SHC3: variants seen among roughly 807,000 people sequenced by gnomAD.
SHC3 encodes SHC adaptor protein 3, also known as SHC-transforming protein 3.
SHC3 carries 15 observed loss-of-function variants against 60.4 expected under a neutral mutation model. That is an observed-to-expected ratio of 0.25 (90% CI 0.17 to 0.38). SHC3 has a LOEUF of 0.38. Among genes scored for constraint, SHC3 ranks in the 10% least tolerant of loss-of-function variants. The pLI, the probability that SHC3 is intolerant of heterozygous loss-of-function variation, is 1.00. For synonymous variants in SHC3, 294 were observed against 325.9 expected (o/e 0.90, Z 1.05); for missense variants, 677 against 786.1 (o/e 0.86, Z 1.66).
At chr9:89,161,360 G>A (rs1042975546) in intron 1 of SHC3, among the ~76,000 whole-genome samples, 8 of 152,058 alleles carry the variant, frequency 5.3e-5, no homozygotes, top group South Asian at 2.1e-4. Context: ...TACTCCCCAC[G>A]TCACCTTCTG....
Position 89,072,165 on chromosome 9 carries a change from T to C in SHC3, c.730-913A>G, listed in dbSNP as rs576335563. ...GCTCTGATACAGAGTGAACTCCATG[T>C]AGCTCATGGTTTTCATTATTAAAAT... On this transcript the variant is annotated intron_variant, in intron 4 of 11. Transcript: ENST00000375835. Among the ~76,000 whole-genome samples the C allele has an allele frequency of 2.0e-5, 3 of 152,338 alleles. No homozygotes were observed. The South Asian group carries it at 6.2e-4, about 32-fold the overall frequency.
chr9:89,116,763 T>C (rs1266542265), intron 1 of SHC3, among the ~76,000 whole-genome samples: 2 of 152,106 alleles, frequency 1.3e-5, no homozygotes, highest in Admixed American at 6.5e-5. Flanking sequence ...AGGTGAAATA[T>C]GAATACCATG....
intron 6 of SHC3, among the ~76,000 whole-genome samples, chr9:89,056,308 G>A (rs948816294): frequency 6.6e-5 from 10 of 151,958 alleles, no homozygotes; most frequent in South Asian, 6.2e-4. Flanking sequence ...GTGCAATGGC[G>A]CGATCTTGGC....
intron 6 of SHC3, among the ~76,000 whole-genome samples, chr9:89,056,839 G>A (rs938804824): frequency 3.3e-4 from 51 of 152,372 alleles, no homozygotes; most frequent in African/African-American, 1.2e-3. Flanking sequence ...CCATTGCCTC[G>A]GCAAGCTTTG....
At chr9:89,167,848 T>C (rs1487693118) in intron 1 of SHC3, among the ~76,000 whole-genome samples, 1 of 152,218 alleles carries the variant, frequency 6.6e-6, no homozygotes, top group Non-Finnish European at 1.5e-5. Flanking sequence ...TACAGAAGCG[T>C]GTTTCCCCTC....
At chr9:89,057,521 A>T (rs553423978) in intron 6 of SHC3, among the ~76,000 whole-genome samples, 22 of 151,890 alleles carry the variant, frequency 1.4e-4, no homozygotes, top group African/African-American at 5.1e-4. Flanking sequence ...TTCATATACT[A>T]CCCTTGGAAT....
chr9:89,090,539 G>A (rs1043380889), intron 2 of SHC3, among the ~76,000 whole-genome samples: 1 of 152,232 alleles, frequency 6.6e-6, no homozygotes, highest in Non-Finnish European at 1.5e-5. Flanking sequence ...GGATTGGTGG[G>A]TATGGGAGGC....
Position 89,046,798 on chromosome 9 carries a change from G to A in SHC3, c.1113+46C>T, listed in dbSNP as rs577404382. 3 of 1,430,878 alleles carry A rather than the reference G, an allele frequency of 2.1e-6. No homozygotes were observed. In the South Asian group the frequency reaches 5.2e-5, roughly 25 times the overall value. The allele number at this position is 1,430,878 out of a possible 1,614,324, so 88.6% of individuals were successfully genotyped here. On this transcript the variant is annotated intron_variant, in intron 8 of 11. Coordinates refer to ENST00000375835, the MANE Select transcript of SHC3 (RefSeq NM_016848.6). ...AAAGAAAACAAAAGGAAATAAAGTAGAGTTAGCCTCCATTCCTTATATAAG... is the reference window on the plus strand; with the variant it reads ...AAAGAAAACAAAAGGAAATAAAGTAAAGTTAGCCTCCATTCCTTATATAAG...
Position 89,092,949 on chromosome 9 carries a change from G to T in SHC3, c.546-15046C>A, listed in dbSNP as rs190053095. On this transcript the variant is annotated intron_variant, in intron 2 of 11. Coordinates refer to ENST00000375835, the MANE Select transcript of SHC3 (RefSeq NM_016848.6). Reference sequence around the variant, plus strand: ...TCATTGTAGTTCATTCCTTTTTATTGCTGGGTAGTATTTGTATCATGCACA... The same window carrying T: ...TCATTGTAGTTCATTCCTTTTTATTTCTGGGTAGTATTTGTATCATGCACA... 9.9e-5 allele frequency among the ~76,000 whole-genome samples: 15 copies of T among 152,106 alleles called. No homozygotes were observed. The East Asian group carries it at 2.5e-3, about 25-fold the overall frequency.
intron 11 of SHC3, among the ~76,000 whole-genome samples, chr9:89,036,489 C>T (rs1315036211): frequency 2.0e-5 from 3 of 152,148 alleles, no homozygotes; most frequent in African/African-American, 7.2e-5. Flanking sequence ...ACTCTTGGCT[C>T]CTGTCCCAGA....
Position 89,178,489 on chromosome 9 carries a change from C to T in SHC3, c.-29G>A, listed in dbSNP as rs752920647. The T allele has an allele frequency of 4.2e-6, 6 of 1,420,104 alleles. No individual in the cohort carries two copies. Among genetic ancestry groups the T allele is most frequent in the Non-Finnish European group, 5.6e-6 (6 of 1,080,860 alleles). 88.0% of individuals were successfully genotyped at this position (1,420,104 alleles called of 1,614,324 possible). Reference sequence around the variant, plus strand: ...CCTCCGTGGGCTCGCTGCATCCGCCCGGGCGCTGCTGGTGCCGGCCCCGGC... The same window carrying T: ...CCTCCGTGGGCTCGCTGCATCCGCCTGGGCGCTGCTGGTGCCGGCCCCGGC... On this transcript the variant is annotated 5_prime_UTR_variant, in exon 1 of 12. Coordinates refer to ENST00000375835, the MANE Select transcript of SHC3 (RefSeq NM_016848.6). The surrounding 1 kb of genome is among the most constrained non-coding windows in gnomAD (Gnocchi z 6.9).
intron 1 of SHC3, among the ~76,000 whole-genome samples, chr9:89,161,000 T>A (rs1826696498): frequency 6.6e-6 from 1 of 152,176 alleles, no homozygotes; most frequent in South Asian, 2.1e-4. Flanking sequence ...ATCAGGCACA[T>A]CCCCCAGTGC....
At chr9:89,172,069 G>A (rs1016388266) in intron 1 of SHC3, among the ~76,000 whole-genome samples, 12 of 152,198 alleles carry the variant, frequency 7.9e-5, no homozygotes, top group Non-Finnish European at 1.5e-4. Flanking sequence ...AGGTATATCC[G>A]GCACCTTCTC....
Position 89,038,004 on chromosome 9 carries a change from G to T in SHC3, c.1645C>A (p.Pro549Thr). 1 of 1,608,782 alleles carries T rather than the reference G, an allele frequency of 6.2e-7. No individual in the cohort carries two copies. The highest frequency in any genetic ancestry group is 8.5e-7 in the Non-Finnish European group (1 of 1,179,926). ...GQAKHLLLVD[P>T]EGTIRTKDRV... The stretch of plus-strand genomic sequence containing the variant: ...CACTGGGTGCTCACCGTGCCTTCTG[G>T]GTCCACGAGCAGCAGGTGCTTGGCC... Residue 549 changes from proline to threonine, a missense_variant, in exon 11 of 12, where the codon CCA becomes ACA. Pro to Thr is a conservative substitution (Grantham distance 38). Coordinates refer to ENST00000375835, the MANE Select transcript of SHC3 (RefSeq NM_016848.6).
At chr9:89,050,650 A>G (rs942018360) in intron 7 of SHC3, among the ~76,000 whole-genome samples, 3 of 152,126 alleles carry the variant, frequency 2.0e-5, no homozygotes, top group Admixed American at 6.5e-5. Flanking sequence ...GCAATCATTT[A>G]TGTTTTCAAA....
chr9:89,083,461 T>C (rs1825478229), intron 2 of SHC3, among the ~76,000 whole-genome samples: 1 of 152,194 alleles, frequency 6.6e-6, no homozygotes, highest in Non-Finnish European at 1.5e-5. Flanking sequence ...AGGTTTCTGA[T>C]TCAGGTCTTA....
Position 89,042,172 on chromosome 9 carries a change from A to G in SHC3, c.1214T>C (p.Ile405Thr). Reference sequence around the variant, plus strand: ...CAGTTTCCCTTCTGGCGTGCTGTAGATGTCCGAGGACCCTGCAACAAGAAA... The same window carrying G: ...CAGTTTCCCTTCTGGCGTGCTGTAGGTGTCCGAGGACCCTGCAACAAGAAA... ...QTPLRQGSSD[I>T]YSTPEGKLHV... Residue 405 changes from isoleucine to threonine, a missense_variant, in exon 10 of 12, where the codon ATC (isoleucine) becomes ACC (threonine). Ile to Thr is a moderately conservative substitution (Grantham distance 89). Coordinates refer to ENST00000375835, the MANE Select transcript of SHC3 (RefSeq NM_016848.6). 6.5e-7 allele frequency: 1 copy of G among 1,527,546 alleles called. No homozygotes were observed. The highest frequency in any genetic ancestry group is 1.3e-5 in the South Asian group (1 of 75,654). 94.6% of individuals were successfully genotyped at this position (1,527,546 alleles called of 1,614,324 possible).
chr9:89,151,220 A>G (rs966345254), intron 1 of SHC3, among the ~76,000 whole-genome samples: 23 of 152,022 alleles, frequency 1.5e-4, no homozygotes, highest in African/African-American at 5.3e-4. Context: ...AGGTCTCACT[A>G]TGTTGCCCAG....
intron 2 of SHC3, among the ~76,000 whole-genome samples, chr9:89,084,706 T>G (rs1356709638): frequency 6.6e-6 from 1 of 152,252 alleles, no homozygotes; most frequent in Non-Finnish European, 1.5e-5. Context: ...GACTGCTTCC[T>G]GATGCCGATA....
Sources: allele counts gnomAD v4.1 joint callset (sites outside exome capture counted in the v4.1 genomes callset), GRCh38; gene constraint gnomAD v4.1.1; non-coding constraint Gnocchi (gnomAD v3.1); transcripts MANE v1.5; gene names NCBI Gene and HGNC (gene_info 2026-07-23, HGNC 2026-07-21).